OSBPL10: variants seen among roughly 807,000 people sequenced by gnomAD.
OSBPL10 encodes the protein oxysterol binding protein like 10, also known as oxysterol-binding protein-related protein 10.
Under a neutral mutation model 81.7 loss-of-function variants are expected in OSBPL10, and 49 were observed. The ratio of observed to expected loss-of-function variants is 0.60; its 90% CI spans 0.48 to 0.76. The LOEUF is 0.76. OSBPL10 is among the 30% of genes least tolerant of loss of function. OSBPL10 has a pLI of 0.00. For synonymous variants in OSBPL10, 419 were observed against 383.6 expected, an observed-to-expected ratio of 1.09 and a Z score of -1.08; for missense variants, 923 against 987.8, an observed-to-expected ratio of 0.93 and a Z score of 0.88.
chr3:31,747,899 G>C lies in OSBPL10; in HGVS notation c.940+11C>G, dbSNP rs9819841. On this transcript the variant is annotated intron_variant, in intron 5 of 11. Transcript: ENST00000396556. Reference sequence around the variant, plus strand: ...TCATCCCAAACATGGACAAGCCCCCGGGGGTCTTACCCGAGGCTCCTGGCT... The same window carrying C: ...TCATCCCAAACATGGACAAGCCCCCCGGGGTCTTACCCGAGGCTCCTGGCT... 6.2e-7 allele frequency: 1 copy of C among 1,612,102 alleles called. No individual in the cohort carries two copies. The highest frequency in any genetic ancestry group is 8.5e-7 in the Non-Finnish European group (1 of 1,179,786).
chr3:32,034,744 G>T (rs1229997664), intron 2 of OSBPL10, among the ~76,000 whole-genome samples: 2 of 152,192 alleles, frequency 1.3e-5, no homozygotes, highest in African/African-American at 4.8e-5. Context: ...CAGCCAATAT[G>T]TAACAATTTC....
chr3:31,845,077 G>A (rs547857997), intron 3 of OSBPL10, among the ~76,000 whole-genome samples: 1 of 152,248 alleles, frequency 6.6e-6, no homozygotes, highest in Admixed American at 6.5e-5. Flanking sequence ...GCAAGACCCT[G>A]TCTCAATAAA....
chr3:31,830,055 A>G lies in OSBPL10; in HGVS notation c.714T>C (p.Leu238=), dbSNP rs999566123. 1 of 1,613,240 alleles carries G rather than the reference A, an allele frequency of 6.2e-7. No homozygotes were observed. The change falls in exon 4 of 12, where the codon CTT becomes CTC. Residue 238 remains leucine (L), a synonymous_variant. Transcript: ENST00000396556. ...CAAAGCCTACCTCTCTGACTTCGTG[A>G]AGCTGGCCGGAATACTGACTCTTGG... The part of the protein sequence containing the change: ...RRAKSQYSGQ[L]HEVREMMNQV...
intron 11 of OSBPL10, chr3:31,663,472 C>T (rs1700114653): frequency 1.0e-6 from 1 of 990,986 alleles, no homozygotes; most frequent in African/African-American, 1.7e-5. Flanking sequence ...ACTTCAAGAG[C>T]ATAAGGGCTT....
chr3:31,971,139 CTTTTT>C (rs56785817), intron 1 of OSBPL10, among the ~76,000 whole-genome samples: 4 of 119,348 alleles, frequency 3.4e-5, no homozygotes, highest in Admixed American at 1.8e-4. Flanking sequence ...TTTCTTTTTT[CTTTTT>C]TTTTTTTTTT....
At chr3:31,675,624 C>T (rs576698456) in intron 8 of OSBPL10, among the ~76,000 whole-genome samples, 2 of 152,264 alleles carry the variant, frequency 1.3e-5, no homozygotes, top group East Asian at 3.9e-4. Flanking sequence ...GCAGCCCTCT[C>T]GATGGGTATC....
chr3:31,760,397 C>T (rs1277194237), intron 4 of OSBPL10, among the ~76,000 whole-genome samples: 4 of 152,194 alleles, frequency 2.6e-5, no homozygotes, highest in African/African-American at 9.6e-5. Flanking sequence ...GCCTGGATAT[C>T]AAAATCCATG....
intron 1 of OSBPL10, among the ~76,000 whole-genome samples, chr3:31,902,147 A>C (rs1224440159): frequency 6.6e-6 from 1 of 152,168 alleles, no homozygotes. Context: ...TGGGGCTAAG[A>C]AGATCTCACT....
chr3:31,885,930 G>A (rs1460391450), intron 1 of OSBPL10, among the ~76,000 whole-genome samples: 1 of 149,636 alleles, frequency 6.7e-6, no homozygotes, highest in African/African-American at 2.5e-5. Context: ...AGGATGCGGA[G>A]GTTGCAGTAA....
At chr3:31,806,357 G>A (rs915794007) in intron 4 of OSBPL10, among the ~76,000 whole-genome samples, 1 of 152,184 alleles carries the variant, frequency 6.6e-6, no homozygotes, top group Non-Finnish European at 1.5e-5. Context: ...CCTCGCCACT[G>A]CACTCCCCAA....
At chr3:32,006,266 C>T (rs903931566) in intron 2 of OSBPL10, among the ~76,000 whole-genome samples, 1 of 152,122 alleles carries the variant, frequency 6.6e-6, no homozygotes, top group African/African-American at 2.4e-5. Flanking sequence ...ATTTTGGTAT[C>T]CAATGAAGTT....
chr3:31,714,881 C>T (rs1696383547), intron 6 of OSBPL10: 1 of 152,190 alleles, frequency 6.6e-6, no homozygotes, highest in African/African-American at 2.4e-5. Context: ...TGTCTTGTAC[C>T]ACACCACCAG....
At chr3:32,071,195 C>T (rs1050824221) in intron 1 of OSBPL10, among the ~76,000 whole-genome samples, 5 of 152,202 alleles carry the variant, frequency 3.3e-5, no homozygotes, top group African/African-American at 1.2e-4. Context: ...CATAAAAACA[C>T]ATGTGCTCTC....
intron 1 of OSBPL10, among the ~76,000 whole-genome samples, chr3:31,909,563 A>C (rs1696514132): frequency 6.6e-6 from 1 of 152,146 alleles, no homozygotes; most frequent in Non-Finnish European, 1.5e-5. Flanking sequence ...GCCATCTCTC[A>C]GCAAATGATT....
chr3:31,670,487 C>T (rs2125512272), intron 9 of OSBPL10, among the ~76,000 whole-genome samples: 1 of 152,256 alleles, frequency 6.6e-6, no homozygotes, highest in East Asian at 1.9e-4. Context: ...TAGATTCAAT[C>T]ACTTTAGAGC....
At chr3:31,808,267 A>G (rs904921400) in intron 4 of OSBPL10, among the ~76,000 whole-genome samples, 1 of 152,196 alleles carries the variant, frequency 6.6e-6, no homozygotes, top group Non-Finnish European at 1.5e-5. Flanking sequence ...AAGCGCAGGC[A>G]TTTCACAGTG....
At chr3:31,718,314 A>C (rs1696519703) in intron 6 of OSBPL10, 1 of 152,086 alleles carries the variant, frequency 6.6e-6, no homozygotes, top group Non-Finnish European at 1.5e-5. Context: ...TTTTTAGTAG[A>C]GACAGGGTTT....
chr3:31,724,796 C>T (rs1179401145), intron 6 of OSBPL10, among the ~76,000 whole-genome samples: 8 of 152,074 alleles, frequency 5.3e-5, no homozygotes, highest in Non-Finnish European at 1.5e-5. Context: ...GTGATGATTA[C>T]GTTGTGAGTT....
intron 4 of OSBPL10, among the ~76,000 whole-genome samples, chr3:31,767,348 C>G (rs1698232419): frequency 6.6e-6 from 1 of 152,196 alleles, no homozygotes. Flanking sequence ...AGTACAGGAT[C>G]TAAAAAATAT....
Sources: allele counts gnomAD v4.1 joint callset (sites outside exome capture counted in the v4.1 genomes callset), GRCh38; gene constraint gnomAD v4.1.1; transcripts MANE v1.5; gene names NCBI Gene and HGNC (gene_info 2026-07-23, HGNC 2026-07-21).